Variants in HIVEP3 observed in about 807,000 individuals in gnomAD.
HIVEP3 encodes the protein HIVEP zinc finger 3.
Under a neutral mutation model 152.8 loss-of-function variants are expected in HIVEP3, and 49 were observed. That is an observed-to-expected ratio of 0.32 (90% confidence interval 0.26 to 0.41). The LOEUF is 0.41. HIVEP3 is among the 10% of genes least tolerant of loss of function. HIVEP3 has a pLI of 1.00. For synonymous variants in HIVEP3, 1,269 were observed against 1,289.0 expected (o/e 0.98, Z 0.33); for missense variants, 2,790 against 3,103.3 (o/e 0.90, Z 2.40).
At position 41,914,722 on chromosome 1, in the gene HIVEP3, C is replaced by T. The variant is rs1188782179; in HGVS notation, c.-801+3691G>A. On this transcript the variant is annotated intron_variant, in intron 1 of 8. Coordinates refer to ENST00000372583, the MANE Select transcript of HIVEP3 (RefSeq NM_024503.5). The stretch of plus-strand genomic sequence containing the variant: ...GCTTACCATAAGGGTGTGGCCATGA[C>T]AGCTTGAACAACATCCGGGTAGTGG... Among the ~76,000 whole-genome samples the T allele has an allele frequency of 5.9e-5, 9 of 152,280 alleles. No homozygotes were observed. The South Asian group carries it at 1.0e-3, about 18-fold the overall frequency.
intron 1 of HIVEP3, among the ~76,000 whole-genome samples, chr1:41,977,879 G>A (rs1397376742): frequency 1.3e-5 from 2 of 152,192 alleles, no homozygotes; most frequent in Non-Finnish European, 2.9e-5. Flanking sequence ...CAGCTCTAGA[G>A]TCAAACTTTA....
chr1:41,510,812 C>T lies in HIVEP3; in HGVS notation c.6860G>A (p.Arg2287Lys), dbSNP rs771828219. The T allele has an allele frequency of 1.2e-6, 2 of 1,612,320 alleles. No individual in the cohort carries two copies. Among genetic ancestry groups the T allele is most frequent in the South Asian group, 1.1e-5 (1 of 91,010 alleles). The stretch of plus-strand genomic sequence containing the variant: ...CCCATGGGGTGTCCAGTCAGGAGGC[C>T]TGCCCGGGCCTCCGCCGGTCCTCTC... ...ERERTGGGPGRPPDWTPHGTG... is the reference protein window; with the variant it reads ...ERERTGGGPGKPPDWTPHGTG... The change falls in exon 9 of 9, where the codon AGG (arginine) becomes AAG (lysine). Residue 2287 changes from arginine to lysine, a missense_variant. This residue lies in a region of HIVEP3 where 816 missense variants were observed against 806.5 expected (regional missense o/e 1.01). Transcript: ENST00000372583.
At chr1:41,945,581 AT>A (rs1645070345) in intron 1 of HIVEP3, among the ~76,000 whole-genome samples, 2 of 152,284 alleles carry the variant, frequency 1.3e-5, no homozygotes, top group Admixed American at 1.3e-4. Flanking sequence ...CAATGATAGG[AT>A]GACAACAGAG....
intron 3 of HIVEP3, among the ~76,000 whole-genome samples, chr1:41,627,214 T>A (rs1645130093): frequency 6.6e-6 from 1 of 152,194 alleles, no homozygotes; most frequent in Admixed American, 6.5e-5. Context: ...AGGTCCTTGT[T>A]AACGTGGCTG....
At position 42,003,988 on chromosome 1, in the gene HIVEP3, C is replaced by T. The variant is rs144981862; in HGVS notation, n.119+31819G>A. Among the ~76,000 whole-genome samples, 413 of 152,162 alleles carry T rather than the reference C, an allele frequency of 2.7e-3. 2 individuals carry two copies. The highest frequency in any genetic ancestry group is 0.012 in the South Asian group (57 of 4,814). ...AATGTCTCAGGTTAGGTACTAAATC[C>T]GGGCAGAGTGACAAGGCATCTCATG... On this transcript the variant is annotated intron_variant and non_coding_transcript_variant, in intron 1 of 3. Transcript: ENST00000489103.
intron 1 of HIVEP3, among the ~76,000 whole-genome samples, chr1:41,841,015 C>T (rs896812356): frequency 2.6e-5 from 4 of 152,134 alleles, no homozygotes; most frequent in Non-Finnish European, 5.9e-5. Context: ...AGTCTCTGTC[C>T]GGTAATAAAA....
At chr1:41,597,199 G>A (rs568649617) in intron 3 of HIVEP3, among the ~76,000 whole-genome samples, 24 of 152,264 alleles carry the variant, frequency 1.6e-4, no homozygotes, top group African/African-American at 5.5e-4. Flanking sequence ...GACCCGGCTG[G>A]TATTTGTCTT....
intron 1 of HIVEP3, among the ~76,000 whole-genome samples, chr1:41,939,600 CTTCTTT>C (rs1645035941): frequency 1.3e-5 from 2 of 152,322 alleles, no homozygotes; most frequent in South Asian, 4.1e-4. Context: ...ATTCTGTCTC[CTTCTTT>C]TTCTAACAGA....
intron 1 of HIVEP3, among the ~76,000 whole-genome samples, chr1:41,805,128 G>A (rs1206518604): frequency 1.3e-5 from 2 of 152,190 alleles, no homozygotes; most frequent in Non-Finnish European, 2.9e-5. Flanking sequence ...CCTGAGGTCA[G>A]AAGTTCGAGA....
chr1:41,744,295 TC>T (rs1311342974), intron 1 of HIVEP3, among the ~76,000 whole-genome samples: 1 of 152,196 alleles, frequency 6.6e-6, no homozygotes, highest in East Asian at 1.9e-4. Context: ...CACCTCAGCC[TC>T]CCAAAGTGCT....
intron 8 of HIVEP3, among the ~76,000 whole-genome samples, chr1:41,512,535 A>G (rs1457381818): frequency 6.6e-6 from 1 of 152,220 alleles, no homozygotes; most frequent in Non-Finnish European, 1.5e-5. Flanking sequence ...TTATAGCAAT[A>G]CAAGAACGGA....
chr1:41,815,596 AG>A (rs772289497), intron 1 of HIVEP3, among the ~76,000 whole-genome samples: 6 of 152,224 alleles, frequency 3.9e-5, no homozygotes, highest in Non-Finnish European at 5.9e-5. Flanking sequence ...GACAGTTCAA[AG>A]GGAAGCAGGG....
At chr1:41,823,041 G>C (rs1191708156) in intron 1 of HIVEP3, among the ~76,000 whole-genome samples, 1 of 152,172 alleles carries the variant, frequency 6.6e-6, no homozygotes, top group East Asian at 1.9e-4. Context: ...GTTTCAGTGA[G>C]GCCATAAGGG....
At chr1:41,588,651 C>T (rs970124709) in intron 3 of HIVEP3, among the ~76,000 whole-genome samples, 11 of 152,092 alleles carry the variant, frequency 7.2e-5, no homozygotes, top group Non-Finnish European at 1.6e-4. Context: ...GGTGTTTCTC[C>T]AAGCAGAGGC....
chr1:41,776,857 T>G (rs1460209447), intron 1 of HIVEP3, among the ~76,000 whole-genome samples: 1 of 152,204 alleles, frequency 6.6e-6, no homozygotes, highest in Non-Finnish European at 1.5e-5. Context: ...CCCTTCACTC[T>G]TACAGCAGAT....
chr1:41,863,578 T>G (rs1643916215), intron 1 of HIVEP3, among the ~76,000 whole-genome samples: 1 of 152,186 alleles, frequency 6.6e-6, no homozygotes, highest in Non-Finnish European at 1.5e-5. Flanking sequence ...GCATTATGCT[T>G]TCTGTACTTT....
intron 5 of HIVEP3, among the ~76,000 whole-genome samples, chr1:41,526,767 TCA>T (rs537685254): frequency 1.9e-3 from 116 of 60,892 alleles, no homozygotes; most frequent in African/African-American, 7.0e-3. Flanking sequence ...ACACTCACCC[TCA>T]CACTCACCCT....
At chr1:41,699,456 C>G (rs890457473) in intron 2 of HIVEP3, among the ~76,000 whole-genome samples, 1 of 152,222 alleles carries the variant, frequency 6.6e-6, no homozygotes, top group African/African-American at 2.4e-5. Flanking sequence ...AGAAATCACT[C>G]TAGTACAACC....
intron 5 of HIVEP3, among the ~76,000 whole-genome samples, chr1:41,551,209 C>A (rs547557295): frequency 1.3e-5 from 2 of 152,190 alleles, no homozygotes; most frequent in Admixed American, 6.5e-5. Context: ...ACCATCCTTG[C>A]GTCCCAGGGA....
Sources: allele counts gnomAD v4.1 joint callset (sites outside exome capture counted in the v4.1 genomes callset), GRCh38; gene constraint gnomAD v4.1.1; regional missense constraint gnomAD v4.1.1; transcripts MANE v1.5; gene names NCBI Gene and HGNC (gene_info 2026-07-23, HGNC 2026-07-21).